TFEC: variants seen among roughly 807,000 people sequenced by gnomAD.
The protein encoded by TFEC is transcription factor EC, also known as class E basic helix-loop-helix protein 34.
Under a neutral mutation model 41.6 loss-of-function variants are expected in TFEC, and 31 were observed. That is an observed-to-expected ratio of 0.74 (90% CI 0.56 to 1.01). The LOEUF (loss-of-function observed/expected upper bound fraction) is 1.01. Ranked by LOEUF, TFEC falls within the 50% of genes least tolerant of loss-of-function variation. The pLI is 0.00. For synonymous variants in TFEC, 143 were observed against 140.6 expected (o/e 1.02, Z -0.12); for missense variants, 402 against 404.1 (o/e 0.99, Z 0.04).
intron 3 of TFEC, among the ~76,000 whole-genome samples, chr7:116,096,808 T>C (rs74858419): frequency 0.011 from 1,697 of 152,232 alleles, 26 homozygotes; most frequent in African/African-American, 0.038. Context: ...GTGGGCAAGA[T>C]AGGCTGGGCG....
At chr7:116,062,877 G>A (rs567582027) in intron 3 of TFEC, among the ~76,000 whole-genome samples, 4 of 152,058 alleles carry the variant, frequency 2.6e-5, no homozygotes, top group South Asian at 2.1e-4. Context: ...ACTATGAAAC[G>A]CTTTTGGCTA....
At chr7:116,098,796 C>T (rs1337074971) in intron 3 of TFEC, among the ~76,000 whole-genome samples, 3 of 150,312 alleles carry the variant, frequency 2.0e-5, no homozygotes. Context: ...ATGAGATCAG[C>T]ATCACCTTGA....
intron 3 of TFEC, among the ~76,000 whole-genome samples, chr7:116,074,188 TATA>T (rs1416610045): frequency 9.6e-6 from 1 of 103,824 alleles, no homozygotes; most frequent in African/African-American, 5.0e-5. Flanking sequence ...TTATACATTA[TATA>T]TTTTTTGTGT....
chr7:115,996,761 T>G (rs891414815), intron 1 of TFEC, among the ~76,000 whole-genome samples: 2 of 151,966 alleles, frequency 1.3e-5, no homozygotes, highest in African/African-American at 4.8e-5. Context: ...TGAAGAGACC[T>G]TGGGTCTTGA....
At chr7:116,060,632 T>C (rs1249250347) in intron 3 of TFEC, among the ~76,000 whole-genome samples, 1 of 152,102 alleles carries the variant, frequency 6.6e-6, no homozygotes, top group African/African-American at 2.4e-5. Context: ...ATACTGTATG[T>C]TTTCACTTAC....
chr7:116,082,412 C>G (rs756819460), intron 3 of TFEC, among the ~76,000 whole-genome samples: 1 of 151,892 alleles, frequency 6.6e-6, no homozygotes, highest in Admixed American at 6.6e-5. Context: ...CAAATTATGC[C>G]TAAATATATT....
chr7:116,139,865 TAGAA>T (rs1413459340), intron 1 of TFEC, among the ~76,000 whole-genome samples: 1 of 152,000 alleles, frequency 6.6e-6, no homozygotes, highest in Admixed American at 6.6e-5. Context: ...AAACAGAAGA[TAGAA>T]AGAAACCAGC....
intron 1 of TFEC, among the ~76,000 whole-genome samples, chr7:116,119,187 C>T (rs1437717481): frequency 1.3e-5 from 2 of 151,686 alleles, no homozygotes; most frequent in Non-Finnish European, 2.9e-5. Flanking sequence ...AATAGAGAAG[C>T]TGAAACTCAA....
At chr7:116,019,570 A>G (rs1795317713) in intron 1 of TFEC, among the ~76,000 whole-genome samples, 1 of 152,186 alleles carries the variant, frequency 6.6e-6, no homozygotes, top group South Asian at 2.1e-4. Flanking sequence ...AAATGTTTCC[A>G]TCATTTAATA....
intron 3 of TFEC, among the ~76,000 whole-genome samples, chr7:116,046,468 T>C (rs1022881877): frequency 1.3e-5 from 2 of 152,160 alleles, no homozygotes; most frequent in African/African-American, 4.8e-5. Context: ...GTTTCCCCTC[T>C]TGCCATGATT....
chr7:116,093,870 A>G (rs1189945650), intron 3 of TFEC, among the ~76,000 whole-genome samples: 1 of 152,210 alleles, frequency 6.6e-6, no homozygotes, highest in African/African-American at 2.4e-5. Context: ...GAAATGTGGT[A>G]ATGTTCACTT....
chr7:116,115,021 G>A (rs921548972), intron 1 of TFEC, among the ~76,000 whole-genome samples: 4 of 151,912 alleles, frequency 2.6e-5, no homozygotes, highest in African/African-American at 9.7e-5. Flanking sequence ...GAAAAGTAAG[G>A]TAGATCTAAT....
At chr7:116,036,322 G>A (rs970290708) in intron 3 of TFEC, among the ~76,000 whole-genome samples, 1 of 152,048 alleles carries the variant, frequency 6.6e-6, no homozygotes, top group Non-Finnish European at 1.5e-5. Context: ...CTGGTTTCAG[G>A]CTGCCTTCAC....
At chr7:116,116,113 T>C (rs532565129) in intron 1 of TFEC, among the ~76,000 whole-genome samples, 30 of 152,082 alleles carry the variant, frequency 2.0e-4, no homozygotes, top group Admixed American at 3.9e-4. Context: ...AAATAATGTA[T>C]ATAAAGTGTT....
rs762454679 is a variant in TFEC, at chr7:115,956,796, T to G, written c.268-3A>C. 1 of 1,552,846 alleles carries G rather than the reference T, an allele frequency of 6.4e-7. No homozygotes were observed. The highest frequency in any genetic ancestry group is 1.4e-5 in the African/African-American group (1 of 72,624). On this transcript the variant is annotated splice_polypyrimidine_tract_variant and splice_region_variant and intron_variant, in intron 3 of 7. Transcript: ENST00000265440. Reference sequence around the variant, plus strand: ...ACATCCAAAATACTTCCAGATAACTTGAGAGGAAAAAGGAAGAAAAGATTA... The same window carrying G: ...ACATCCAAAATACTTCCAGATAACTGGAGAGGAAAAAGGAAGAAAAGATTA...
At chr7:116,155,855 G>T (rs529896647) in intron 1 of TFEC, among the ~76,000 whole-genome samples, 1 of 152,144 alleles carries the variant, frequency 6.6e-6, no homozygotes, top group African/African-American at 2.4e-5. Flanking sequence ...CCAGCTCTCA[G>T]ATCAGCTTTA....
intron 1 of TFEC, among the ~76,000 whole-genome samples, chr7:116,006,245 C>A (rs1361978597): frequency 6.6e-6 from 1 of 152,120 alleles, no homozygotes; most frequent in Non-Finnish European, 1.5e-5. Flanking sequence ...ATGGTAGATC[C>A]ACCAACAGCT....
At chr7:115,984,217 T>C in intron 2 of TFEC, 45 bp downstream of exon 2, 3 of 1,592,070 alleles carry the variant, frequency 1.9e-6, no homozygotes, top group African/African-American at 1.3e-5. Context: ...TAGAGGTTTT[T>C]TCAAAAACTG....
At chr7:116,010,547 T>C (rs960819336) in intron 1 of TFEC, among the ~76,000 whole-genome samples, 4 of 152,062 alleles carry the variant, frequency 2.6e-5, no homozygotes, top group African/African-American at 9.7e-5. Flanking sequence ...GGAGGGGAAA[T>C]GAAATAGGTA....
Sources: gnomAD v4.1 joint callset for allele counts (sites outside exome capture counted in the v4.1 genomes callset) on GRCh38, gnomAD v4.1.1 for gene constraint, MANE v1.5 for transcripts, NCBI Gene and HGNC (gene_info 2026-07-23, HGNC 2026-07-21) for gene names.